Variants in EPB41 observed in about 807,000 individuals in gnomAD.
EPB41 encodes erythrocyte membrane protein band 4.1, also known as protein 4.1.
A neutral mutation model predicts 108.0 loss-of-function variants in EPB41; 65 were observed. The ratio of observed to expected loss-of-function variants is 0.60; its 90% CI spans 0.49 to 0.74. The LOEUF (loss-of-function observed/expected upper bound fraction) is 0.74, where lower values mean the gene tolerates loss of function less well. Ranked by LOEUF, EPB41 falls within the 30% of genes least tolerant of loss-of-function variation. EPB41 has a pLI of 0.00. For missense variants in EPB41, 875 were observed against 1,037.0 expected (o/e 0.84, Z 2.15); for synonymous variants, 336 against 358.9 (o/e 0.94, Z 0.72).
intron 7 of EPB41, among the ~76,000 whole-genome samples, chr1:29,025,275 G>A (rs1404000109): frequency 6.6e-6 from 1 of 151,996 alleles, no homozygotes; most frequent in African/African-American, 2.4e-5. Flanking sequence ...ATTATTAAAA[G>A]GGAGTCACAT....
At chr1:28,932,333 G>C (rs1271093567) in intron 1 of EPB41, among the ~76,000 whole-genome samples, 1 of 152,012 alleles carries the variant, frequency 6.6e-6, no homozygotes, top group Non-Finnish European at 1.5e-5. Context: ...ATGTTGGCCA[G>C]GCTGATCTCG....
intron 1 of EPB41, among the ~76,000 whole-genome samples, chr1:28,932,938 A>G (rs1206575179): frequency 6.6e-6 from 1 of 152,194 alleles, no homozygotes; most frequent in Non-Finnish European, 1.5e-5. Flanking sequence ...TTGTTTTACA[A>G]AGACACGTAT....
chr1:28,969,386 A>C (rs1176351154), intron 1 of EPB41, among the ~76,000 whole-genome samples: 1 of 150,468 alleles, frequency 6.6e-6, no homozygotes, highest in East Asian at 2.1e-4. Flanking sequence ...CGCCCAGCCC[A>C]TGTCTTACTT....
At chr1:29,044,698 GC>G (rs1642632008) in intron 11 of EPB41, among the ~76,000 whole-genome samples, 1 of 151,958 alleles carries the variant, frequency 6.6e-6, no homozygotes, top group South Asian at 2.1e-4. Flanking sequence ...AAAAATATTA[GC>G]CAGTTAGCTG....
intron 4 of EPB41, among the ~76,000 whole-genome samples, chr1:29,004,322 T>C (rs376423971): frequency 6.6e-6 from 1 of 152,248 alleles, no homozygotes; most frequent in South Asian, 2.1e-4. Flanking sequence ...TATATAGTCA[T>C]TGTCTTTTTC....
intron 16 of EPB41, among the ~76,000 whole-genome samples, chr1:29,067,727 A>T (rs1192946105): frequency 2.0e-5 from 3 of 152,154 alleles, no homozygotes; most frequent in Non-Finnish European, 4.4e-5. Context: ...AAGTGTGACT[A>T]AAATTGGCTA....
chr1:28,972,286 T>G (rs981487336), intron 1 of EPB41, among the ~76,000 whole-genome samples: 1 of 152,236 alleles, frequency 6.6e-6, no homozygotes, highest in Admixed American at 6.5e-5. Context: ...TTTTTTTTGT[T>G]TCACATTGTC....
rs770764638 is a variant in EPB41 at position 28,921,961 on chromosome 1, T to TATATATATATATATATATGC, written c.-8+7194_-8+7195insTATATATATATATATATGCA. Among the ~76,000 whole-genome samples, 365 of 109,854 alleles carry TATATATATATATATATATGC rather than the reference T, an allele frequency of 3.3e-3. 6 individuals carry two copies. Among genetic ancestry groups the TATATATATATATATATATGC allele is most frequent in the Middle Eastern group, 0.019 (4 of 206 alleles). The allele number at this position is 109,854 out of a possible 152,430, so 72.1% of individuals were successfully genotyped here. A position where few individuals can be genotyped will look rare whatever the true frequency, so the allele number is the denominator to read the frequency against. On this transcript the variant is annotated intron_variant, in intron 1 of 20. Transcript: ENST00000343067. ...TTTTATATATATATATATATATATA[T>TATATATATATATATATATGC]ACACTTTTTTTTTGTTTTTTTTTTT... is the stretch of plus-strand genomic sequence containing the variant.
At chr1:28,979,714 C>CTT (rs34603544) in intron 1 of EPB41, among the ~76,000 whole-genome samples, 1 of 145,442 alleles carries the variant, frequency 6.9e-6, no homozygotes, top group African/African-American at 2.6e-5. Context: ...ACTGTCCTCA[C>CTT]TTTTTTTTTT....
chr1:28,960,555 C>T (rs1432375438), intron 1 of EPB41, among the ~76,000 whole-genome samples: 3 of 125,578 alleles, frequency 2.4e-5, no homozygotes, highest in African/African-American at 6.2e-5. Context: ...AGTGAGACCT[C>T]GTCTCTACAA....
At chr1:29,075,156 C>CAA (rs397979778) in intron 16 of EPB41, among the ~76,000 whole-genome samples, 63,082 of 97,212 alleles carry the variant, frequency 0.65, 21,843 homozygotes, top group Non-Finnish European at 0.77. Flanking sequence ...GACTCCGTCT[C>CAA]AAAAAAAAAA....
chr1:29,082,115 G>A (rs1000927152), intron 16 of EPB41, among the ~76,000 whole-genome samples: 2 of 151,908 alleles, frequency 1.3e-5, no homozygotes, highest in African/African-American at 4.8e-5. Context: ...CTATTTCTTG[G>A]GTTTTTTGTT....
At chr1:29,010,901 T>C (rs1253451152) in intron 4 of EPB41, among the ~76,000 whole-genome samples, 1 of 151,480 alleles carries the variant, frequency 6.6e-6, no homozygotes, top group African/African-American at 2.4e-5. Context: ...TCACCTGAGG[T>C]CAGGAGTTGG....
At chr1:29,064,756 A>G (rs562026182) in intron 15 of EPB41, among the ~76,000 whole-genome samples, 4 of 152,334 alleles carry the variant, frequency 2.6e-5, no homozygotes, top group East Asian at 3.9e-4. Context: ...GCTAACAGCT[A>G]TGGAGTTGTG....
At chr1:28,997,382 A>G in intron 4 of EPB41, 63 bp downstream of exon 4, 1 of 1,007,120 alleles carries the variant, frequency 9.9e-7, no homozygotes, top group Non-Finnish European at 1.6e-6. Context: ...TTTTGTTGTT[A>G]AGAATGTATC....
chr1:29,113,491 T>A (rs1435252416), intron 19 of EPB41, among the ~76,000 whole-genome samples: 1 of 152,176 alleles, frequency 6.6e-6, no homozygotes, highest in African/African-American at 2.4e-5. Flanking sequence ...CCCAGCTCAG[T>A]GGGTCCCGCT....
chr1:28,975,857 C>T (rs1448755083), intron 1 of EPB41, among the ~76,000 whole-genome samples: 1 of 142,764 alleles, frequency 7.0e-6, no homozygotes, highest in African/African-American at 2.6e-5. Flanking sequence ...AGGAGAATGG[C>T]GTGAACCCGG....
chr1:28,986,541 T>C (rs1433986697), intron 1 of EPB41, among the ~76,000 whole-genome samples: 1 of 152,220 alleles, frequency 6.6e-6, no homozygotes, highest in Admixed American at 6.5e-5. Flanking sequence ...CTCTATCTCC[T>C]TTCTCTATTG....
At chr1:29,061,592 T>TC (rs1187918560) in intron 15 of EPB41, among the ~76,000 whole-genome samples, 6 of 142,862 alleles carry the variant, frequency 4.2e-5, no homozygotes, top group Non-Finnish European at 6.1e-5. Flanking sequence ...TTTTTTTTTT[T>TC]TTTTTTGAGG....
Sources: allele counts gnomAD v4.1 joint callset (sites outside exome capture counted in the v4.1 genomes callset), GRCh38; gene constraint gnomAD v4.1.1; transcripts MANE v1.5; gene names NCBI Gene and HGNC (gene_info 2026-07-23, HGNC 2026-07-21).